The following PEBP4 variants were observed in gnomAD, a reference collection of about 807,000 sequenced individuals.
The protein encoded by PEBP4 is phosphatidylethanolamine binding protein 4.
Under a neutral mutation model 23.9 loss-of-function variants are expected in PEBP4, and 22 were observed. The ratio of observed to expected loss-of-function variants is 0.92; its 90% CI spans 0.66 to 1.31. PEBP4 has a LOEUF of 1.31. Ranked by LOEUF, PEBP4 falls within the 40% of genes most tolerant of loss-of-function variation. The probability of loss-of-function intolerance (pLI) is 0.00; values close to 1 mark genes in which losing one functional copy is unlikely to be tolerated. For synonymous variants in PEBP4, 112 were observed against 99.3 expected, an observed-to-expected ratio of 1.13 and a Z score of -0.76; for missense variants, 324 against 281.7, an observed-to-expected ratio of 1.15 and a Z score of -1.07.
At chr8:22,883,055 A>T (rs1000348994) in intron 3 of PEBP4, among the ~76,000 whole-genome samples, 6 of 152,132 alleles carry the variant, frequency 3.9e-5, no homozygotes, top group Admixed American at 1.3e-4. Context: ...CTGTGATTAT[A>T]AAACTTCCTC....
chr8:22,877,872 G>C (rs964414179), intron 3 of PEBP4: 1 of 152,488 alleles, frequency 6.6e-6, no homozygotes, highest in East Asian at 1.9e-4. Context: ...CAGGGTGAGA[G>C]AACGGCTCCC....
In PEBP4 at chr8:22,721,523, G is replaced by T. The variant is rs189692664; in HGVS notation, c.517+3320C>A. ...AAGCCTCCTTCTTCACCCTAAGCCT[G>T]TCATTTACCCATAAGATCCAGGGAG... On this transcript the variant is annotated intron_variant, in intron 6 of 6. Coordinates refer to ENST00000256404, the MANE Select transcript of PEBP4 (RefSeq NM_144962.3). Among the ~76,000 whole-genome samples, 739 of 152,204 alleles carry T rather than the reference G, an allele frequency of 4.9e-3. 2 individuals carry two copies. The highest frequency in any genetic ancestry group is 0.017 in the African/African-American group (699 of 41,522).
intron 4 of PEBP4, chr8:22,745,652 C>T (rs1316372115): frequency 1.3e-5 from 2 of 152,326 alleles, no homozygotes; most frequent in African/African-American, 4.8e-5. Context: ...ACCACTCTGC[C>T]TGGGACTACA....
intron 4 of PEBP4, among the ~76,000 whole-genome samples, chr8:22,784,344 A>T (rs1389022669): frequency 1.3e-5 from 2 of 152,356 alleles, no homozygotes; most frequent in East Asian, 3.9e-4. Context: ...TCAGGAATCA[A>T]AGGCAAGAAC....
chr8:22,714,273 G>A lies in PEBP4; in HGVS notation c.518-737C>T, dbSNP rs538488245. 1.4e-4 allele frequency among the ~76,000 whole-genome samples: 21 copies of A among 152,322 alleles called. No individual in the cohort carries two copies. The South Asian group carries it at 4.1e-3, about 30-fold the overall frequency. On this transcript the variant is annotated intron_variant, in intron 6 of 6. Transcript: ENST00000256404. ...ACAGGCCTTGTGGCAGGGCAAGAAG[G>A]GCACAGCCTGGGGCATGGAGTGAGG...
At chr8:22,918,372 G>A (rs1250929698) in intron 3 of PEBP4, among the ~76,000 whole-genome samples, 1 of 152,060 alleles carries the variant, frequency 6.6e-6, no homozygotes, top group East Asian at 1.9e-4. Context: ...TTCCACATCC[G>A]TTTTCTCCCC....
intron 4 of PEBP4, among the ~76,000 whole-genome samples, chr8:22,811,728 C>T (rs1806632464): frequency 6.6e-6 from 1 of 152,204 alleles, no homozygotes; most frequent in South Asian, 2.1e-4. Flanking sequence ...CCAAAGGCTT[C>T]CAGGCTCCAA....
chr8:22,731,072 T>A (rs749504442), intron 4 of PEBP4, among the ~76,000 whole-genome samples: 44 of 152,226 alleles, frequency 2.9e-4, no homozygotes, highest in Non-Finnish European at 5.4e-4. Flanking sequence ...TAAGACAGGC[T>A]GACATTTTCA....
chr8:22,861,131 T>C (rs1398642707), intron 3 of PEBP4, among the ~76,000 whole-genome samples: 1 of 152,232 alleles, frequency 6.6e-6, no homozygotes, highest in Non-Finnish European at 1.5e-5. Flanking sequence ...TGCCCACTTA[T>C]TGCCAGAGCT....
chr8:22,853,276 T>G (rs918035083), intron 3 of PEBP4, among the ~76,000 whole-genome samples: 1 of 152,184 alleles, frequency 6.6e-6, no homozygotes. Context: ...TTTGTCCTCC[T>G]GTGGGGACCA....
chr8:22,863,189 A>G (rs765849559), intron 3 of PEBP4, among the ~76,000 whole-genome samples: 3 of 152,148 alleles, frequency 2.0e-5, no homozygotes, highest in Non-Finnish European at 4.4e-5. Flanking sequence ...CAATAATAAC[A>G]GCATGGAGAA....
chr8:22,906,242 C>G (rs889911490), intron 3 of PEBP4, among the ~76,000 whole-genome samples: 1 of 152,156 alleles, frequency 6.6e-6, no homozygotes, highest in Admixed American at 6.5e-5. Flanking sequence ...GCAGAGGACA[C>G]TGCAGGCTGC....
At chr8:22,714,400 T>G (rs917938654) in intron 6 of PEBP4, among the ~76,000 whole-genome samples, 1 of 152,110 alleles carries the variant, frequency 6.6e-6, no homozygotes, top group African/African-American at 2.4e-5. Flanking sequence ...CAGGAAGTAG[T>G]TTAATTTGAA....
intron 4 of PEBP4, among the ~76,000 whole-genome samples, chr8:22,813,804 A>G (rs1415312863): frequency 6.6e-6 from 1 of 152,182 alleles, no homozygotes; most frequent in African/African-American, 2.4e-5. Context: ...TGCCTGTCCT[A>G]GCCTGGCCAG....
At chr8:22,853,136 C>T (rs563759368) in intron 3 of PEBP4, among the ~76,000 whole-genome samples, 117 of 152,312 alleles carry the variant, frequency 7.7e-4, no homozygotes, top group African/African-American at 2.2e-3. Context: ...GCTTTGATTT[C>T]GGTATGCGTA....
rs1271045659 is a variant in PEBP4, at chr8:22,920,192, C to A, written c.250G>T (p.Ala84Ser). Reference protein sequence around the residue: ...WMEPIVKFPGAVDGATYILVM... With the variant: ...WMEPIVKFPGSVDGATYILVM... ...CAGCCCTGCTCACTCACGTCCACGG[C>A]CCCCGGGAACTTGACTATCGGCTCC... Residue 84 changes from alanine to serine, a missense_variant, in exon 3 of 7, where the codon GCC becomes TCC. Ala to Ser is a moderately conservative substitution (Grantham distance 99, BLOSUM62 1). Transcript: ENST00000256404. The A allele has an allele frequency of 2.5e-6, 4 of 1,611,106 alleles. No homozygotes were observed. The highest frequency in any genetic ancestry group is 2.2e-5 in the South Asian group (2 of 90,810).
At chr8:22,912,613 C>T (rs1426375979) in intron 3 of PEBP4, among the ~76,000 whole-genome samples, 1 of 152,218 alleles carries the variant, frequency 6.6e-6, no homozygotes, top group Non-Finnish European at 1.5e-5. Context: ...GGATAATCCC[C>T]GCTCTATCCA....
intron 4 of PEBP4, among the ~76,000 whole-genome samples, chr8:22,781,191 G>T (rs1447779832): frequency 6.6e-6 from 1 of 152,202 alleles, no homozygotes; most frequent in Non-Finnish European, 1.5e-5. Context: ...TCTCCTTGTT[G>T]GTACCCTGTC....
chr8:22,901,773 G>A (rs1025628209), intron 3 of PEBP4, among the ~76,000 whole-genome samples: 3 of 152,174 alleles, frequency 2.0e-5, no homozygotes, highest in Non-Finnish European at 4.4e-5. Flanking sequence ...CTTAGCGAGG[G>A]CACCGTTCTG....
Sources: allele counts gnomAD v4.1 joint callset (sites outside exome capture counted in the v4.1 genomes callset), GRCh38; gene constraint gnomAD v4.1.1; transcripts MANE v1.5; gene names NCBI Gene and HGNC (gene_info 2026-07-23, HGNC 2026-07-21).